RSPH9: variants seen among roughly 807,000 people sequenced by gnomAD.
RSPH9 encodes the protein radial spoke head component 9.
A neutral mutation model predicts 27.0 loss-of-function variants in RSPH9; 27 were observed. The ratio of observed to expected loss-of-function variants is 1.00; its 90% CI spans 0.74 to 1.38. RSPH9 has a LOEUF of 1.38. RSPH9 is among the 40% of genes most tolerant of loss of function. The pLI, the probability that RSPH9 is intolerant of heterozygous loss-of-function variation, is 0.00. For synonymous variants in RSPH9, 145 were observed against 147.7 expected (o/e 0.98, Z 0.13); for missense variants, 347 against 357.4 (o/e 0.97, Z 0.24).
chr6:43,658,312 A>AAAAAAAAAAAAAAAAAAAG (rs1772251832), intron 4 of RSPH9, among the ~76,000 whole-genome samples: 6 of 133,786 alleles, frequency 4.5e-5, no homozygotes, highest in East Asian at 2.5e-4. Context: ...AAAAAAAAAG[A>AAAAAAAAAAAAAAAAAAAG]AAAAAAAAAA....
At chr6:43,655,005 C>T (rs1295290023) in intron 2 of RSPH9, among the ~76,000 whole-genome samples, 1 of 151,884 alleles carries the variant, frequency 6.6e-6, no homozygotes, top group African/African-American at 2.4e-5. Flanking sequence ...AGAGTGAGAC[C>T]CTGTCTCAAA....
In RSPH9 at chr6:43,670,675, A is replaced by C. The variant is rs1215982037; in HGVS notation, c.671-114A>C. 3 of 810,074 alleles carry C rather than the reference A, an allele frequency of 3.7e-6. No homozygotes were observed. The East Asian group carries it at 7.5e-5, about 20-fold the overall frequency. 50.2% of individuals were successfully genotyped at this position (810,074 alleles called of 1,614,324 possible). On this transcript the variant is annotated intron_variant, in intron 4 of 4. Coordinates refer to ENST00000372163, the MANE Select transcript of RSPH9 (RefSeq NM_152732.5). The stretch of plus-strand genomic sequence containing the variant: ...CTGGAGAATTAAATGGTCTCTCCCC[A>C]GTGGAACCATAGCACCTGGGCCTGG...
chr6:43,670,909 G>A lies in RSPH9; in HGVS notation c.791G>A (p.Gly264Asp), dbSNP rs777862194. 4 of 1,614,224 alleles carry A rather than the reference G, an allele frequency of 2.5e-6. No individual in the cohort carries two copies. The highest frequency in any genetic ancestry group is 3.4e-6 in the Non-Finnish European group (4 of 1,180,040). ...RTKNYGYVYV[G>D]TGEKNMDLPF... ...AAGAACTATGGCTACGTCTACGTGG[G>A]CACTGGCGAGAAGAACATGGACTTG... The change falls in exon 5 of 5, where the codon GGC (glycine) becomes GAC (aspartate). Residue 264 changes from glycine to aspartate, a missense_variant. Gly to Asp is a moderately conservative substitution (Grantham distance 94). Coordinates refer to ENST00000372163, the MANE Select transcript of RSPH9 (RefSeq NM_152732.5).
intron 4 of RSPH9, 142 bp from the exon 5 acceptor site, chr6:43,670,647 C>T: frequency 1.5e-6 from 1 of 657,548 alleles, no homozygotes; most frequent in East Asian, 2.7e-5. Flanking sequence ...GGGAGTAAAG[C>T]ATCTGGAGAA....
intron 4 of RSPH9, among the ~76,000 whole-genome samples, chr6:43,664,084 G>T (rs1772900289): frequency 6.6e-6 from 1 of 151,390 alleles, no homozygotes; most frequent in African/African-American, 2.4e-5. Context: ...GTGACACAGA[G>T]ATACAAAGTG....
At chr6:43,647,133 C>CAAAT (rs529012199) in intron 1 of RSPH9, among the ~76,000 whole-genome samples, 25 of 135,946 alleles carry the variant, frequency 1.8e-4, no homozygotes, top group East Asian at 9.7e-4. Flanking sequence ...TGTCTCAAAA[C>CAAAT]AAATAAATAA....
intron 4 of RSPH9, chr6:43,666,317 T>G: frequency 1.0e-5 from 9 of 862,108 alleles, no homozygotes; most frequent in Non-Finnish European, 1.7e-5. Flanking sequence ...GGGCTGCTAA[T>G]TGGGGCCAAA....
chr6:43,656,682 C>G lies in RSPH9; in HGVS notation c.629C>G (p.Ser210Cys). Residue 210 changes from serine (S) to cysteine (C), a missense_variant, in exon 4 of 5, where the codon TCC becomes TGC. Ser to Cys is a moderately radical substitution (Grantham distance 112). Transcript: ENST00000372163. The stretch of plus-strand genomic sequence containing the variant: ...CTTGAGAAGGCTGACCTGGACCCCT[C>G]CCTGGATTTCATGGACTCCTTGGAG... ...TLLEKADLDPSLDFMDSLEHD... is the reference protein window; with the variant it reads ...TLLEKADLDPCLDFMDSLEHD... 1 of 1,614,174 alleles carries G rather than the reference C, an allele frequency of 6.2e-7. No homozygotes were observed. Among genetic ancestry groups the G allele is most frequent in the Non-Finnish European group, 8.5e-7 (1 of 1,180,032 alleles).
rs1481720404 is a variant in RSPH9 at position 43,650,553 on chromosome 6, GA to G, written c.393+14del. The G allele has an allele frequency of 2.5e-6, 4 of 1,613,762 alleles. No individual in the cohort carries two copies. The highest frequency in any genetic ancestry group is 2.5e-6 in the Non-Finnish European group (3 of 1,179,896). On this transcript the variant is annotated intron_variant, in intron 2 of 4. Coordinates refer to ENST00000372163, the MANE Select transcript of RSPH9 (RefSeq NM_152732.5). ...AGAAGAAATAGTGGTGAGTGAAGAG[GA>G]GAGCAGGAGGAGGGCCTAAAAGAGA...
chr6:43,645,585 G>A (rs1048711276), intron 1 of RSPH9, among the ~76,000 whole-genome samples: 6 of 149,512 alleles, frequency 4.0e-5, no homozygotes, highest in African/African-American at 1.3e-4. Flanking sequence ...CAATGGACGG[G>A]CGATGTCCCC....
intron 4 of RSPH9, among the ~76,000 whole-genome samples, chr6:43,666,032 C>T (rs1773103877): frequency 6.6e-6 from 1 of 152,052 alleles, no homozygotes; most frequent in African/African-American, 2.4e-5. Flanking sequence ...CACCGTGTTG[C>T]CCAGGCTGGT....
In RSPH9 at chr6:43,645,308, G is replaced by A. The variant is rs746998051; in HGVS notation, c.210G>A (p.Pro70=). 3 of 1,487,690 alleles carry A rather than the reference G, an allele frequency of 2.0e-6. No homozygotes were observed. The highest frequency in any genetic ancestry group is 6.0e-5 in the East Asian group (2 of 33,410). The allele number at this position is 1,487,690 out of a possible 1,614,324, so 92.2% of individuals were successfully genotyped here. Residue 70 remains proline, a synonymous_variant, in exon 1 of 5, where the codon CCG becomes CCA. Coordinates refer to ENST00000372163, the MANE Select transcript of RSPH9 (RefSeq NM_152732.5). ...GCCTGAGTGAGGACCAGCTCGCACC[G>A]CGCAAGACGCTCTATAGGTGAGGAG... is the stretch of plus-strand genomic sequence containing the variant. ...AQGLSEDQLA[P]RKTLYSLNCT...
Position 43,666,301 on chromosome 6 carries a change from T to C in RSPH9, c.671-4488T>C, listed in dbSNP as rs1031593998. 7.1e-6 allele frequency: 5 copies of C among 706,110 alleles called. No individual in the cohort carries two copies. In the African/African-American group the frequency reaches 8.8e-5, roughly 12 times the overall value. The allele number at this position is 706,110 out of a possible 1,614,324, so 43.7% of individuals were successfully genotyped here. On this transcript the variant is annotated intron_variant, in intron 4 of 4. Transcript: ENST00000372163. ...GCTCCCCTGCCAGGCAGGCAGCAGC[T>C]GGGCTGGGCTGCTAATTGGGGCCAA...
At position 43,655,675 on chromosome 6, in the gene RSPH9, C is replaced by T. The variant is rs1421890338; in HGVS notation, c.507C>T (p.Val169=). ...LFKTPFGPTH[V]NRTFEGLSLS... ...AGACCCCTTTTGGACCCACCCATGT[C>T]AATCGGACCTTTGAAGGTGAGTTCT... The change falls in exon 3 of 5, where the codon GTC becomes GTT. Residue 169 remains valine (V), a synonymous_variant. Coordinates refer to ENST00000372163, the MANE Select transcript of RSPH9 (RefSeq NM_152732.5). The T allele has an allele frequency of 6.2e-7, 1 of 1,614,252 alleles. No individual in the cohort carries two copies. The highest frequency in any genetic ancestry group is 2.2e-5 in the East Asian group (1 of 44,884).
intron 2 of RSPH9, among the ~76,000 whole-genome samples, chr6:43,651,036 C>A (rs918565293): frequency 6.6e-6 from 1 of 151,456 alleles, no homozygotes; most frequent in Non-Finnish European, 1.5e-5. Context: ...CTCAAATAAT[C>A]CTTCCGCCTC....
chr6:43,646,751 A>C (rs1028528825), intron 1 of RSPH9, among the ~76,000 whole-genome samples: 15 of 151,086 alleles, frequency 9.9e-5, no homozygotes, highest in Admixed American at 2.6e-4. Context: ...TCACGAGGTC[A>C]GGAGATTGAG....
Position 43,672,350 on chromosome 6 carries a change from A to G in RSPH9, c.*1401A>G. The stretch of plus-strand genomic sequence containing the variant: ...CAACCTTCAGGGAACTCCCCAGGGT[A>G]CTATAACTGGTATAAGACCCCTGCC... On this transcript the variant is annotated 3_prime_UTR_variant, in exon 5 of 5. Transcript: ENST00000372163. 1 of 472,774 alleles carries G rather than the reference A, an allele frequency of 2.1e-6. No individual in the cohort carries two copies. The highest frequency in any genetic ancestry group is 1.5e-5 in the South Asian group (1 of 64,568). The allele number at this position is 472,774 out of a possible 1,614,324, so 29.3% of individuals were successfully genotyped here. A position where few individuals can be genotyped will look rare whatever the true frequency, so the allele number is the denominator to read the frequency against.
intron 4 of RSPH9, among the ~76,000 whole-genome samples, chr6:43,658,303 A>AAG (rs1554148189): frequency 1.5e-4 from 21 of 141,304 alleles, no homozygotes; most frequent in African/African-American, 4.6e-4. Flanking sequence ...AAAAAAAAAA[A>AAG]AAAAAAAGAA....
intron 4 of RSPH9, among the ~76,000 whole-genome samples, chr6:43,667,263 G>A (rs1773236490): frequency 6.6e-6 from 1 of 152,226 alleles, no homozygotes; most frequent in African/African-American, 2.4e-5. Flanking sequence ...GGTGTCCTGG[G>A]AGGTAAAGGA....
Sources: allele counts gnomAD v4.1 joint callset (sites outside exome capture counted in the v4.1 genomes callset), GRCh38; gene constraint gnomAD v4.1.1; transcripts MANE v1.5; gene names NCBI Gene and HGNC (gene_info 2026-07-23, HGNC 2026-07-21).